Variants in CPD observed in about 807,000 individuals in gnomAD.
CPD encodes the protein carboxypeptidase D.
CPD carries 69 observed loss-of-function variants against 138.3 expected under a neutral mutation model. The observed-to-expected ratio is 0.50, with a 90% CI of 0.41 to 0.61. The LOEUF (loss-of-function observed/expected upper bound fraction) is 0.61, where lower values mean the gene tolerates loss of function less well. Ranked by LOEUF, CPD falls within the 20% of genes least tolerant of loss-of-function variation. CPD has a pLI of 0.00. For synonymous variants in CPD, 651 were observed against 642.1 expected (o/e 1.01, Z -0.21); for missense variants, 1,432 against 1,733.3 (o/e 0.83, Z 3.09).
chr17:30,382,065 C>T (rs1477763094), intron 1 of CPD, among the ~76,000 whole-genome samples: 1 of 152,044 alleles, frequency 6.6e-6, no homozygotes, highest in African/African-American at 2.4e-5. Flanking sequence ...AATATACCTG[C>T]TTAAATTTTC....
intron 14 of CPD, chr17:30,454,804 A>G (rs1448170629): frequency 6.5e-6 from 1 of 152,780 alleles, no homozygotes; most frequent in Non-Finnish European, 1.5e-5. Flanking sequence ...CTTACATGGC[A>G]GTGGCAAGAG....
At chr17:30,422,508 G>A (rs1364739263) in intron 4 of CPD, among the ~76,000 whole-genome samples, 166 bp from the exon 5 acceptor site, 1 of 152,186 alleles carries the variant, frequency 6.6e-6, no homozygotes, top group Non-Finnish European at 1.5e-5. Context: ...GGTTCTTTGT[G>A]AGATAATGTC....
chr17:30,415,117 T>A (rs1476680653), intron 2 of CPD, among the ~76,000 whole-genome samples: 1 of 152,216 alleles, frequency 6.6e-6, no homozygotes, highest in African/African-American at 2.4e-5. Flanking sequence ...TAAATGGCAC[T>A]ACTATCTCCC....
chr17:30,448,988 G>A (rs1913098443), intron 12 of CPD, among the ~76,000 whole-genome samples: 1 of 152,002 alleles, frequency 6.6e-6, no homozygotes. Context: ...CAAACCTGTA[G>A]TACTACTCCC....
chr17:30,392,330 T>G (rs1911381440), intron 2 of CPD, among the ~76,000 whole-genome samples: 1 of 152,186 alleles, frequency 6.6e-6, no homozygotes, highest in African/African-American at 2.4e-5. Context: ...GATCTTTAGT[T>G]AATCTTATAA....
In CPD at chr17:30,423,603, T is replaced by C. The variant is rs1234736339; in HGVS notation, c.1755T>C (p.Phe585=). The C allele has an allele frequency of 6.2e-7, 1 of 1,612,986 alleles. No individual in the cohort carries two copies. Among genetic ancestry groups the C allele is most frequent in the Admixed American group, 1.7e-5 (1 of 59,818 alleles). ...TCATAGAATACCTTTGTAAGAACTT[T>C]GGAACAGACCCTGAAGTCACAGATT... ...LNLIEYLCKN[F]GTDPEVTDLV... The change falls in exon 6 of 21, where the codon TTT becomes TTC. Residue 585 remains phenylalanine, a synonymous_variant. Coordinates refer to ENST00000225719, the MANE Select transcript of CPD (RefSeq NM_001304.5).
chr17:30,422,673 G>T lies in CPD; in HGVS notation c.1308-1G>T. 1 of 1,589,238 alleles carries T rather than the reference G, an allele frequency of 6.3e-7. No individual in the cohort carries two copies. The highest frequency in any genetic ancestry group is 1.1e-5 in the South Asian group (1 of 87,172). On this transcript the variant is annotated splice_acceptor_variant, in intron 4 of 20. Transcript: ENST00000225719. LOFTEE classifies it high-confidence loss of function. ...TTTACTTTTTCAAATTTTTTTTTCA[G>T]GTATATGCCATTGACTGTTACTAAT...
At chr17:30,401,761 C>T (rs1025290541) in intron 2 of CPD, among the ~76,000 whole-genome samples, 4 of 152,156 alleles carry the variant, frequency 2.6e-5, no homozygotes, top group Non-Finnish European at 5.9e-5. Flanking sequence ...GTTGAGATTA[C>T]AGGCATGAGC....
intron 2 of CPD, among the ~76,000 whole-genome samples, chr17:30,389,192 G>T (rs1384105795): frequency 6.6e-6 from 1 of 152,188 alleles, no homozygotes; most frequent in African/African-American, 2.4e-5. Context: ...CTGCAGAAGG[G>T]GTGGCTGTCC....
rs202055004 is a variant in CPD, at chr17:30,462,356, C to G, written c.3817-14C>G. ...AGCAGAATTTGTCATGATTCTTACA[C>G]TTTCTCCTTCTAGGTCTTTGTGCAT... On this transcript the variant is annotated splice_polypyrimidine_tract_variant and intron_variant, in intron 19 of 20. Transcript: ENST00000225719. The G allele has an allele frequency of 6.2e-7, 1 of 1,600,724 alleles. No individual in the cohort carries two copies. Among genetic ancestry groups the G allele is most frequent in the East Asian group, 2.2e-5 (1 of 44,814 alleles).
chr17:30,415,512 C>A (rs1191099459), intron 2 of CPD, among the ~76,000 whole-genome samples: 2 of 151,644 alleles, frequency 1.3e-5, no homozygotes, highest in Admixed American at 6.6e-5. Context: ...AATATTAACC[C>A]CCTAAAAAGG....
At chr17:30,413,946 G>A (rs566400114) in intron 2 of CPD, among the ~76,000 whole-genome samples, 2 of 152,304 alleles carry the variant, frequency 1.3e-5, no homozygotes, top group African/African-American at 4.8e-5. Flanking sequence ...TCCGGGGGAA[G>A]AGCATTCCAG....
intron 7 of CPD, among the ~76,000 whole-genome samples, chr17:30,427,806 A>C (rs1247973459): frequency 5.1e-4 from 58 of 114,376 alleles, no homozygotes; most frequent in Middle Eastern, 5.3e-3. Context: ...TCTTCTCTCC[A>C]CCCCTTTCTC....
intron 2 of CPD, 43 bp downstream of exon 2, chr17:30,385,279 T>A (rs937540931): frequency 6.2e-7 from 1 of 1,606,320 alleles, no homozygotes; most frequent in Non-Finnish European, 8.5e-7. Flanking sequence ...CCCTTGTTCG[T>A]TGAATTTTGT....
At chr17:30,391,020 G>A (rs913247987) in intron 2 of CPD, among the ~76,000 whole-genome samples, 1 of 151,844 alleles carries the variant, frequency 6.6e-6, no homozygotes, top group African/African-American at 2.4e-5. Context: ...AGTAGAAACA[G>A]GGTTTTACCA....
chr17:30,379,046 G>A lies in CPD; in HGVS notation c.66G>A (p.Leu22=). 6.4e-7 allele frequency: 1 copy of A among 1,559,258 alleles called. No homozygotes were observed. The highest frequency in any genetic ancestry group is 1.2e-5 in the South Asian group (1 of 86,250). ...GGCGGCTCCTGTTGCTCATGTGCCT[G>A]CTGCTGCTGGGGAGCTCGGCCCGGG... ...RLGRLLLLMC[L]LLLGSSARAA... The change falls in exon 1 of 21, where the codon CTG becomes CTA. Residue 22 remains leucine (L), a synonymous_variant. Coordinates refer to ENST00000225719, the MANE Select transcript of CPD (RefSeq NM_001304.5). The surrounding 1 kb of genome is among the most constrained non-coding windows in gnomAD (Gnocchi z 7.0).
intron 2 of CPD, among the ~76,000 whole-genome samples, chr17:30,412,667 G>C (rs116313572): frequency 6.6e-6 from 1 of 152,162 alleles, no homozygotes; most frequent in African/African-American, 2.4e-5. Context: ...GGCTTCGTGG[G>C]TGTGGGACCC....
chr17:30,465,167 T>G lies in CPD; in HGVS notation c.*353T>G, dbSNP rs1000554764. On this transcript the variant is annotated 3_prime_UTR_variant, in exon 21 of 21. Coordinates refer to ENST00000225719, the MANE Select transcript of CPD (RefSeq NM_001304.5). ...TTACTAGTGGCTTTAGTATTTTTCTTTGTTTTAAATGGCCAAAAGAATCCA... is the reference window on the plus strand; with the variant it reads ...TTACTAGTGGCTTTAGTATTTTTCTGTGTTTTAAATGGCCAAAAGAATCCA... The G allele has an allele frequency of 5.2e-6, 1 of 192,810 alleles. No individual in the cohort carries two copies. Among genetic ancestry groups the G allele is most frequent in the African/African-American group, 2.4e-5 (1 of 42,262 alleles). 11.9% of individuals were successfully genotyped at this position (192,810 alleles called of 1,614,324 possible).
Position 30,379,206 on chromosome 17 carries a change from C to T in CPD, c.226C>T (p.Leu76Phe), listed in dbSNP as rs1206354042. 1.3e-6 allele frequency: 2 copies of T among 1,529,120 alleles called. No homozygotes were observed. Among genetic ancestry groups the T allele is most frequent in the African/African-American group, 2.8e-5 (2 of 70,762 alleles). 94.7% of individuals were successfully genotyped at this position (1,529,120 alleles called of 1,614,324 possible). ...SALREAAAAG[L>F]PGLARLFSIG... ...GCTGAGGGAGGCGGCGGCCGCGGGC[C>T]TCCCCGGCCTGGCCCGCCTCTTTAG... The change falls in exon 1 of 21, where the codon CTC becomes TTC. Residue 76 changes from leucine to phenylalanine, a missense_variant. Transcript: ENST00000225719. The surrounding 1 kb of genome is among the most constrained non-coding windows in gnomAD (Gnocchi z 7.0).
Sources: gnomAD v4.1 joint callset for allele counts (sites outside exome capture counted in the v4.1 genomes callset) on GRCh38, gnomAD v4.1.1 for gene constraint, Gnocchi (gnomAD v3.1) non-coding constraint, MANE v1.5 for transcripts, NCBI Gene and HGNC (gene_info 2026-07-23, HGNC 2026-07-21) for gene names.